Variants in BIRC3 observed in about 807,000 individuals in gnomAD.
BIRC3 encodes the protein baculoviral IAP repeat containing 3.
Under a neutral mutation model 59.0 loss-of-function variants are expected in BIRC3, and 26 were observed. The observed-to-expected ratio is 0.44, with a 90% CI of 0.32 to 0.61. BIRC3 has a LOEUF of 0.61. BIRC3 is among the 20% of genes least tolerant of loss of function. BIRC3 has a pLI of 0.04. For missense variants in BIRC3, 641 were observed against 711.5 expected (o/e 0.90, Z 1.13); for synonymous variants, 243 against 249.2 (o/e 0.98, Z 0.24).
At position 102,322,373 on chromosome 11, in the gene BIRC3, A is replaced by C; in HGVS notation, c.-2137A>C. 1 of 206,658 alleles carries C rather than the reference A, an allele frequency of 4.8e-6. No individual in the cohort carries two copies. Among genetic ancestry groups the C allele is most frequent in the African/African-American group, 2.3e-5 (1 of 44,034 alleles). The allele number at this position is 206,658 out of a possible 1,614,324, so 12.8% of individuals were successfully genotyped here. The stretch of plus-strand genomic sequence containing the variant: ...TTTTTGATATGTGCAACAAATTTAG[A>C]GGAAGTAAAAAGATAAATGTGATGA... On this transcript the variant is annotated 5_prime_UTR_variant, in exon 2 of 9. Coordinates refer to ENST00000263464, the MANE Select transcript of BIRC3 (RefSeq NM_001165.5).
Position 102,336,039 on chromosome 11 carries a change from T to C in BIRC3, c.1398T>C (p.Asp466=). The C allele has an allele frequency of 6.2e-7, 1 of 1,613,720 alleles. No individual in the cohort carries two copies. Among genetic ancestry groups the C allele is most frequent in the Middle Eastern group, 1.7e-4 (1 of 6,038 alleles). The change falls in exon 7 of 9, where the codon GAT becomes GAC. Residue 466 remains aspartate, a synonymous_variant. Coordinates refer to ENST00000263464, the MANE Select transcript of BIRC3 (RefSeq NM_001165.5). ...QHLTCVIPIL[D]SLLTAGIINE... is the part of the protein sequence containing the mutation. ...TGACTTGTGTAATTCCAATCCTGGA[T>C]AGTCTACTAACTGCCGGAATTATTA...
intron 5 of BIRC3, among the ~76,000 whole-genome samples, chr11:102,329,912 T>G (rs1049227748): frequency 5.4e-5 from 8 of 148,566 alleles, no homozygotes; most frequent in African/African-American, 2.0e-4. Flanking sequence ...ATTATGCACA[T>G]GTACCCTAGA....
Position 102,324,402 on chromosome 11 carries a change from T to C in BIRC3, c.-108T>C. On this transcript the variant is annotated 5_prime_UTR_variant, in exon 2 of 9. Transcript: ENST00000263464. ...TAGAAATAAAAATAATAAAAAATTT[T>C]TCATTTTGGCTTTTCAGCCTAGTAT... 1 of 1,297,132 alleles carries C rather than the reference T, an allele frequency of 7.7e-7. No individual in the cohort carries two copies. The highest frequency in any genetic ancestry group is 1.0e-6 in the Non-Finnish European group (1 of 963,484). 80.4% of individuals were successfully genotyped at this position (1,297,132 alleles called of 1,614,324 possible). A position where few individuals can be genotyped will look rare whatever the true frequency, so the allele number is the denominator to read the frequency against.
chr11:102,318,341 G>A (rs906891639), intron 1 of BIRC3, among the ~76,000 whole-genome samples: 23 of 152,146 alleles, frequency 1.5e-4, no homozygotes, highest in Admixed American at 6.5e-5. Context: ...GGGCACCCCC[G>A]ATGTCTGACT....
At position 102,324,519 on chromosome 11, in the gene BIRC3, G is replaced by A. The variant is rs376445512; in HGVS notation, c.10G>A (p.Val4Ile). 2.5e-6 allele frequency: 4 copies of A among 1,610,936 alleles called. No homozygotes were observed. The highest frequency in any genetic ancestry group is 2.5e-6 in the Non-Finnish European group (3 of 1,178,210). Residue 4 changes from valine (V) to isoleucine (I), a missense_variant, in exon 2 of 9, where the codon GTA becomes ATA. Val to Ile is a conservative substitution (Grantham distance 29). Coordinates refer to ENST00000263464, the MANE Select transcript of BIRC3 (RefSeq NM_001165.5). The stretch of plus-strand genomic sequence containing the variant: ...CCCCATTCATTTCATTATGAACATA[G>A]TAGAAAACAGCATATTCTTATCAAA... MNI[V>I]ENSIFLSNLM...
Position 102,325,437 on chromosome 11 carries a change from C to T in BIRC3, c.854-29C>T, listed in dbSNP as rs1951072631. On this transcript the variant is annotated intron_variant, in intron 2 of 8. Transcript: ENST00000263464. ...TTTTAGTGGGCAAATTATGTGTATT[C>T]ATAAGTTTTGGTCTAAAATTAATTT... 3 of 1,603,934 alleles carry T rather than the reference C, an allele frequency of 1.9e-6. No individual in the cohort carries two copies. In the African/African-American group the frequency reaches 4.0e-5, roughly 22 times the overall value.
chr11:102,335,860 T>C, intron 6 of BIRC3, 106 bp from the exon 7 acceptor site: 1 of 1,191,988 alleles, frequency 8.4e-7, no homozygotes. Flanking sequence ...AATGCCTTAC[T>C]GATTACGAAT....
chr11:102,332,276 A>G (rs773337695), intron 6 of BIRC3, among the ~76,000 whole-genome samples: 29 of 152,224 alleles, frequency 1.9e-4, no homozygotes, highest in Non-Finnish European at 3.7e-4. Flanking sequence ...CCAAGCATGG[A>G]CCAGACCTAT....
At chr11:102,326,934 C>G (rs2078242924) in intron 3 of BIRC3, 1 of 364,642 alleles carries the variant, frequency 2.7e-6, no homozygotes, top group African/African-American at 2.1e-5. Flanking sequence ...TCTCAAACTC[C>G]TGACCTCAGG....
rs762729326 is a variant in BIRC3 at position 102,337,086 on chromosome 11, G to A, written c.1799G>A (p.Arg600His). 6.0e-6 allele frequency: 9 copies of A among 1,504,396 alleles called. No homozygotes were observed. The highest frequency in any genetic ancestry group is 1.4e-5 in the South Asian group (1 of 70,138). 93.2% of individuals were successfully genotyped at this position (1,504,396 alleles called of 1,614,324 possible). ...ICRSTIKGTV[R>H]TFLS ...AGGAGTACAATCAAGGGTACAGTTC[G>A]TACATTTCTTTCATGAAGAAGAACC... The change falls in exon 9 of 9, where the codon CGT becomes CAT. Residue 600 changes from arginine to histidine, a missense_variant. Transcript: ENST00000263464.
Position 102,336,308 on chromosome 11 carries a change from C to T in BIRC3, c.1579+88C>T, listed in dbSNP as rs1264979015. ...TAATTTATGACTACTGAAAATAATT[C>T]AGGCTGAATGTGGTGACTCATGCCT... On this transcript the variant is annotated intron_variant, in intron 7 of 8. Coordinates refer to ENST00000263464, the MANE Select transcript of BIRC3 (RefSeq NM_001165.5). The T allele has an allele frequency of 2.9e-6, 4 of 1,392,176 alleles. No homozygotes were observed. In the Admixed American group the frequency reaches 6.8e-5, roughly 24 times the overall value. The allele number at this position is 1,392,176 out of a possible 1,614,324, so 86.2% of individuals were successfully genotyped here.
At position 102,324,768 on chromosome 11, in the gene BIRC3, A is replaced by G. The variant is rs1951064396; in HGVS notation, c.259A>G (p.Lys87Glu). The G allele has an allele frequency of 6.2e-7, 1 of 1,614,214 alleles. No homozygotes were observed. Among genetic ancestry groups the G allele is most frequent in the African/African-American group, 1.3e-5 (1 of 75,046 alleles). ...AGGAGACAGTCCTACTGAAAAGCAT[A>G]AAAAGTTGTATCCTAGCTGCAGATT... The part of the protein sequence containing the change: ...KRGDSPTEKH[K>E]KLYPSCRFVQ... Residue 87 changes from lysine (K) to glutamate (E), a missense_variant, in exon 2 of 9, where the codon AAA becomes GAA. Lys to Glu is a moderately conservative substitution (Grantham distance 56). Around this residue, in one of 4 missense-constraint regions of BIRC3, gnomAD observed 329 missense variants for 365.6 expected, o/e 0.90. Coordinates refer to ENST00000263464, the MANE Select transcript of BIRC3 (RefSeq NM_001165.5).
rs1301041094 is a variant in BIRC3 at position 102,336,092 on chromosome 11, A to G, written c.1451A>G (p.Gln484Arg). Reference protein sequence around the residue: ...INEQEHDVIKQKTQTSLQARE... With the variant: ...INEQEHDVIKRKTQTSLQARE... ...GAACAAGAACATGATGTTATTAAAC[A>G]GAAGACACAGACGTCTTTACAAGCA... Residue 484 changes from glutamine (Q) to arginine (R), a missense_variant, in exon 7 of 9, where the codon CAG (glutamine) becomes CGG (arginine). By Grantham distance (43) the Gln-to-Arg change is conservative. Transcript: ENST00000263464. The G allele has an allele frequency of 9.3e-6, 15 of 1,613,882 alleles. No homozygotes were observed. The highest frequency in any genetic ancestry group is 1.1e-5 in the Non-Finnish European group (13 of 1,179,962).
rs536986491 is a variant in BIRC3, at chr11:102,321,699, T to C, written c.-2673-138T>C. The C allele has an allele frequency of 2.5e-5, 4 of 160,580 alleles. No homozygotes were observed. In the East Asian group the frequency reaches 5.8e-4, roughly 23 times the overall value. The allele number at this position is 160,580 out of a possible 1,614,324, so 9.9% of individuals were successfully genotyped here. ...TCTTTTTGGCCTCTACAGTGCCTAG[T>C]AAAGCACCTGATACATGGTAAACGA... On this transcript the variant is annotated intron_variant, in intron 1 of 8. Coordinates refer to ENST00000263464, the MANE Select transcript of BIRC3 (RefSeq NM_001165.5).
At chr11:102,328,803 T>C in intron 4 of BIRC3, 94 bp from the exon 5 acceptor site, 1 of 436,516 alleles carries the variant, frequency 2.3e-6, no homozygotes, top group Non-Finnish European at 3.4e-6. Context: ...TTGAATAAAA[T>C]ATGTCTGTTG....
At position 102,324,656 on chromosome 11, in the gene BIRC3, T is replaced by A. The variant is rs1951063148; in HGVS notation, c.147T>A (p.Ser49Arg). The stretch of plus-strand genomic sequence containing the variant: ...CTGGGGTTCCTGTCTCAGAAAGGAG[T>A]CTTGCTCGTGCTGGTTTCTATTACA... ...FPAGVPVSER[S>R]LARAGFYYTG... Residue 49 changes from serine to arginine, a missense_variant, in exon 2 of 9, where the codon AGT (serine) becomes AGA (arginine). Ser to Arg is a moderately radical substitution (Grantham distance 110). Transcript: ENST00000263464. The A allele has an allele frequency of 6.2e-7, 1 of 1,614,032 alleles. No individual in the cohort carries two copies. The highest frequency in any genetic ancestry group is 1.1e-5 in the South Asian group (1 of 91,082).
At chr11:102,317,838 T>C (rs17887192) in intron 1 of BIRC3, among the ~76,000 whole-genome samples, 3,042 of 152,292 alleles carry the variant, frequency 0.02, 119 homozygotes, top group African/African-American at 0.069. Flanking sequence ...AATTGTGAAG[T>C]TGTGGCATTT....
intron 1 of BIRC3, among the ~76,000 whole-genome samples, 155 bp downstream of exon 1, chr11:102,317,726 T>C (rs1591516910): frequency 6.6e-6 from 1 of 151,730 alleles, no homozygotes; most frequent in Admixed American, 6.6e-5. Context: ...AGGTTGAGAG[T>C]CAGTGGGTGG....
chr11:102,326,233 C>T (rs1591521128), intron 3 of BIRC3, among the ~76,000 whole-genome samples: 1 of 152,108 alleles, frequency 6.6e-6, no homozygotes, highest in Non-Finnish European at 1.5e-5. Context: ...AGTTCTATAG[C>T]ATGTTGGAAA....
Sources: gnomAD v4.1 joint callset for allele counts (sites outside exome capture counted in the v4.1 genomes callset) on GRCh38, gnomAD v4.1.1 for gene constraint, gnomAD v4.1.1 regional missense constraint, MANE v1.5 for transcripts, NCBI Gene and HGNC (gene_info 2026-07-23, HGNC 2026-07-21) for gene names.